KDM6A: variants seen among roughly 807,000 people sequenced by gnomAD.
KDM6A encodes lysine demethylase 6A, also known as lysine-specific demethylase 6A.
KDM6A carries 11 observed loss-of-function variants against 117.6 expected under a neutral mutation model. The observed-to-expected ratio is 0.09, with a 90% CI of 0.06 to 0.15. The LOEUF (loss-of-function observed/expected upper bound fraction) is 0.15, where lower values mean the gene tolerates loss of function less well. KDM6A is among the 10% of genes least tolerant of loss of function. The pLI is 1.00. For synonymous variants in KDM6A, 384 were observed against 396.1 expected (o/e 0.97, Z 0.36); for missense variants, 799 against 1,077.3 (o/e 0.74, Z 3.62).
chrX:44,937,196 C>A (rs1182170814), intron 2 of KDM6A, among the ~76,000 whole-genome samples: 2 of 109,925 alleles, frequency 1.8e-5, no homozygotes, highest in African/African-American at 6.6e-5. Flanking sequence ...GATACTATAA[C>A]CCTGAATAGT....
At chrX:44,984,409 A>G (rs1483025777) in intron 4 of KDM6A, among the ~76,000 whole-genome samples, 1 of 111,002 alleles carries the variant, frequency 9.0e-6, no homozygotes, top group African/African-American at 3.3e-5. Flanking sequence ...GAAGCTCTTT[A>G]GTTTAATTAG....
chrX:44,999,161 G>A (rs976741038), intron 4 of KDM6A, among the ~76,000 whole-genome samples: 2 of 111,538 alleles, frequency 1.8e-5, no homozygotes, highest in Non-Finnish European at 1.9e-5. Context: ...AAAATTAGCC[G>A]GCCATTGTTA....
chrX:44,893,997 G>A (rs2033598088), intron 2 of KDM6A, among the ~76,000 whole-genome samples: 1 of 111,627 alleles, frequency 9.0e-6, no homozygotes, highest in Non-Finnish European at 1.9e-5. Context: ...ATTGGTCATG[G>A]CATATACTTC....
At chrX:44,932,221 A>G (rs1323932654) in intron 2 of KDM6A, among the ~76,000 whole-genome samples, 3 of 102,907 alleles carry the variant, frequency 2.9e-5, no homozygotes, top group Non-Finnish European at 2.0e-5. Flanking sequence ...CAGCCTCCCA[A>G]GTAGCTAAGA....
In KDM6A at chrX:45,016,022, A is replaced by C. The variant is rs776403510; in HGVS notation, c.444-4588A>C. ...GAATAATCCAGGGTATGACATTTCT[A>C]ATTTAGCCTCACATTTAAGGTCATT... On this transcript the variant is annotated intron_variant, in intron 5 of 29. Coordinates refer to ENST00000611820, the MANE Select transcript of KDM6A (RefSeq NM_001291415.2). 8.9e-5 allele frequency among the ~76,000 whole-genome samples: 10 copies of C among 111,951 alleles called. No homozygotes were observed. The East Asian group carries it at 2.0e-3, about 22-fold the overall frequency.
intron 27 of KDM6A, among the ~76,000 whole-genome samples, chrX:45,099,074 A>G (rs1273094572): frequency 9.0e-6 from 1 of 111,586 alleles, no homozygotes; most frequent in Non-Finnish European, 1.9e-5. Flanking sequence ...GTCTCTGTAT[A>G]CACATACATG....
In KDM6A at chrX:45,053,950, C is replaced by T. The variant is rs369438801; in HGVS notation, c.870C>T (p.Leu290=). 2.3e-5 allele frequency: 28 copies of T among 1,206,767 alleles called. No homozygotes were observed. The highest frequency in any genetic ancestry group is 5.3e-5 in the South Asian group (3 of 56,765). Residue 290 remains leucine (L), a synonymous_variant, in exon 10 of 30, where the codon CTC becomes CTT. Coordinates refer to ENST00000611820, the MANE Select transcript of KDM6A (RefSeq NM_001291415.2). Reference sequence around the variant, plus strand: ...ATTCTGGCCAGTCCTGGTATTTCCTCGGAAGGTGAGACTTACCAGACATTT... The same window carrying T: ...ATTCTGGCCAGTCCTGGTATTTCCTTGGAAGGTGAGACTTACCAGACATTT... The part of the protein sequence containing the change: ...DPNSGQSWYF[L]GRCYSSIGKV...
intron 8 of KDM6A, among the ~76,000 whole-genome samples, chrX:45,044,264 C>T (rs1003773560): frequency 3.6e-5 from 4 of 111,576 alleles, no homozygotes; most frequent in Non-Finnish European, 7.5e-5. Context: ...TTAGCTGGGA[C>T]CTCCAGCTCA....
chrX:45,034,281 T>C (rs1267729948), intron 6 of KDM6A, among the ~76,000 whole-genome samples: 1 of 112,072 alleles, frequency 8.9e-6, no homozygotes, highest in Non-Finnish European at 1.9e-5. Flanking sequence ...CGTGCTTATA[T>C]GATATTATTA....
intron 8 of KDM6A, among the ~76,000 whole-genome samples, chrX:45,040,799 G>A (rs2043113603): frequency 2.4e-5 from 2 of 81,834 alleles, no homozygotes; most frequent in African/African-American, 4.8e-5. Flanking sequence ...CCTCCCGGAC[G>A]GGGCGGCTGG....
chrX:44,915,376 T>A (rs2035485922), intron 2 of KDM6A, among the ~76,000 whole-genome samples: 1 of 112,138 alleles, frequency 8.9e-6, no homozygotes, highest in African/African-American at 3.2e-5. Context: ...AATTTATTGC[T>A]TGTGTTCATC....
chrX:45,093,492 C>T (rs1338503311), intron 27 of KDM6A, among the ~76,000 whole-genome samples: 1 of 110,186 alleles, frequency 9.1e-6, no homozygotes, highest in Non-Finnish European at 1.9e-5. Context: ...GCAATTGTAA[C>T]AGTACAGACC....
At chrX:44,980,178 G>A (rs958277802) in intron 4 of KDM6A, among the ~76,000 whole-genome samples, 49 of 93,977 alleles carry the variant, frequency 5.2e-4, no homozygotes, top group African/African-American at 2.8e-3. Context: ...TTGTATTTTA[G>A]TAGAGACAGG....
intron 8 of KDM6A, among the ~76,000 whole-genome samples, chrX:45,048,672 A>G (rs1437700812): frequency 9.2e-6 from 1 of 108,668 alleles, no homozygotes. Flanking sequence ...CTTCAGGTGA[A>G]AATCCAAGAA....
intron 3 of KDM6A, among the ~76,000 whole-genome samples, chrX:44,969,538 C>T (rs1329268082): frequency 1.9e-5 from 2 of 105,679 alleles, no homozygotes; most frequent in Non-Finnish European, 3.9e-5. Flanking sequence ...CTGCCTCAGC[C>T]TCCTGAGTAG....
chrX:44,978,809 G>T (rs1051331990), intron 4 of KDM6A, among the ~76,000 whole-genome samples: 1 of 111,505 alleles, frequency 9.0e-6, no homozygotes, highest in Admixed American at 9.5e-5. Context: ...CTTTAGTTTT[G>T]TCTGTTCTGG....
chrX:44,995,674 G>A (rs2040832095), intron 4 of KDM6A, among the ~76,000 whole-genome samples: 1 of 110,726 alleles, frequency 9.0e-6, no homozygotes, highest in African/African-American at 3.3e-5. Context: ...TCCCCATGTT[G>A]CCAGGGTGGT....
chrX:44,993,440 G>C (rs761236275), intron 4 of KDM6A, among the ~76,000 whole-genome samples: 5 of 110,015 alleles, frequency 4.5e-5, no homozygotes, highest in African/African-American at 1.7e-4. Context: ...AAACTCCTGG[G>C]CTCAAGTGGT....
chrX:45,018,557 A>G (rs1449302951), intron 5 of KDM6A, among the ~76,000 whole-genome samples: 1 of 111,848 alleles, frequency 8.9e-6, no homozygotes, highest in African/African-American at 3.3e-5. Flanking sequence ...GGAGTAAAAC[A>G]TATCCACAAA....
Sources: gnomAD v4.1 joint callset for allele counts (sites outside exome capture counted in the v4.1 genomes callset) on GRCh38, gnomAD v4.1.1 for gene constraint, MANE v1.5 for transcripts, NCBI Gene and HGNC (gene_info 2026-07-23, HGNC 2026-07-21) for gene names.